DLC1: variants seen among roughly 807,000 people sequenced by gnomAD.
DLC1 encodes DLC1 Rho GTPase activating protein.
DLC1 carries 54 observed loss-of-function variants against 140.3 expected under a neutral mutation model. That is an observed-to-expected ratio of 0.38 (90% confidence interval 0.31 to 0.48). The LOEUF (loss-of-function observed/expected upper bound fraction) is 0.48, where lower values mean the gene tolerates loss of function less well. Ranked by LOEUF, DLC1 falls within the 20% of genes least tolerant of loss-of-function variation. The pLI is 0.96. For synonymous variants in DLC1, 986 were observed against 728.1 expected (o/e 1.35, Z -5.70); for missense variants, 2,536 against 1,907.0 (o/e 1.33, Z -6.14).
At position 13,500,177 on chromosome 8, in the gene DLC1, G is replaced by T; in HGVS notation, c.-106C>A. 9.5e-7 allele frequency: 1 copy of T among 1,051,182 alleles called. No homozygotes were observed. The highest frequency in any genetic ancestry group is 1.4e-6 in the Non-Finnish European group (1 of 731,222). 65.1% of individuals were successfully genotyped at this position (1,051,182 alleles called of 1,614,324 possible). ...AAAATCACCAATCAAAGAAGCGAAT[G>T]AGTTCTGTCATTTCACCACCTATTA... is the stretch of plus-strand genomic sequence containing the variant. On this transcript the variant is annotated 5_prime_UTR_variant, in exon 2 of 18. Transcript: ENST00000276297.
intron 4 of DLC1, among the ~76,000 whole-genome samples, chr8:13,311,704 C>G (rs1255325931): frequency 6.6e-6 from 1 of 152,092 alleles, no homozygotes; most frequent in African/African-American, 2.4e-5. Context: ...TTTGGGGTCT[C>G]AGCTTAAATT....
chr8:13,155,487 TA>T lies in DLC1; in HGVS notation c.1349-39831del, dbSNP rs917580970. Among the ~76,000 whole-genome samples the T allele has an allele frequency of 4.6e-5, 7 of 152,198 alleles. No individual in the cohort carries two copies. In the South Asian group the frequency reaches 6.2e-4, roughly 14 times the overall value. Reference sequence around the variant, plus strand: ...AAACAATAATTTAAATCTATTTTTTTAAAAAAACATGTTCACCAAAGTAGGT... The same window carrying T: ...AAACAATAATTTAAATCTATTTTTTTAAAAAACATGTTCACCAAAGTAGGT... On this transcript the variant is annotated intron_variant, in intron 5 of 17. Coordinates refer to ENST00000276297, the MANE Select transcript of DLC1 (RefSeq NM_182643.3).
chr8:13,573,363 A>T (rs756948614), intron 1 of DLC1, among the ~76,000 whole-genome samples: 1 of 152,176 alleles, frequency 6.6e-6, no homozygotes, highest in South Asian at 2.1e-4. Flanking sequence ...ATGAAAAGAG[A>T]CAGATTCTTT....
chr8:13,522,950 C>T (rs2117288459), intron 1 of DLC1, among the ~76,000 whole-genome samples: 1 of 151,896 alleles, frequency 6.6e-6, no homozygotes, highest in South Asian at 2.1e-4. Flanking sequence ...CTGGCAGTTT[C>T]CAGAAATAGC....
upstream of DLC1, among the ~76,000 whole-genome samples, chr8:13,516,052 A>G (rs1248504663): frequency 1.3e-5 from 2 of 152,186 alleles, no homozygotes; most frequent in African/African-American, 4.8e-5. Flanking sequence ...GGAAGCAGGA[A>G]ACAGCATCTC....
chr8:13,109,321 G>A (rs780903286), intron 7 of DLC1, among the ~76,000 whole-genome samples: 4 of 152,128 alleles, frequency 2.6e-5, no homozygotes, highest in Non-Finnish European at 4.4e-5. Context: ...ACTTTGGGAG[G>A]CCGAGATGGA....
At chr8:13,319,307 C>T (rs1005580729) in intron 4 of DLC1, among the ~76,000 whole-genome samples, 2 of 152,158 alleles carry the variant, frequency 1.3e-5, no homozygotes. Context: ...CGTTCCCTGC[C>T]CCGCCCTCCA....
At chr8:13,562,218 A>T (rs1804268613) in intron 1 of DLC1, among the ~76,000 whole-genome samples, 1 of 152,186 alleles carries the variant, frequency 6.6e-6, no homozygotes, top group Non-Finnish European at 1.5e-5. Flanking sequence ...AGTAGGAAAA[A>T]GATTGATACA....
intron 5 of DLC1, among the ~76,000 whole-genome samples, chr8:13,138,610 G>A (rs527430881): frequency 3.3e-5 from 5 of 152,296 alleles, no homozygotes; most frequent in Admixed American, 6.5e-5. Flanking sequence ...AAGGACATAC[G>A]ACAAAGAATA....
At chr8:13,443,709 G>C (rs943579198) in intron 2 of DLC1, among the ~76,000 whole-genome samples, 3 of 151,622 alleles carry the variant, frequency 2.0e-5, no homozygotes, top group Non-Finnish European at 4.4e-5. Context: ...AAATAATTAG[G>C]GAAGCATTAT....
chr8:13,218,999 AATATAATTATATAATTATATACGT>A (rs1563173975), intron 5 of DLC1, among the ~76,000 whole-genome samples: 1 of 88,624 alleles, frequency 1.1e-5, no homozygotes, highest in Admixed American at 1.2e-4. Context: ...ATTATATACG[AATATAATTATATAATTATATACGT>A]ATATAATTAT....
At chr8:13,130,844 A>C (rs533006761) in intron 5 of DLC1, among the ~76,000 whole-genome samples, 25 of 152,342 alleles carry the variant, frequency 1.6e-4, no homozygotes, top group African/African-American at 6.0e-4. Flanking sequence ...AAATAAAATA[A>C]GTATTTGTCA....
intron 5 of DLC1, among the ~76,000 whole-genome samples, chr8:13,217,002 G>A (rs1340654251): frequency 6.6e-6 from 1 of 152,014 alleles, no homozygotes; most frequent in Non-Finnish European, 1.5e-5. Flanking sequence ...GGTGTTCTGT[G>A]CACAATAAAG....
At chr8:13,089,528 G>C (rs965288091) in intron 15 of DLC1, among the ~76,000 whole-genome samples, 3 of 151,956 alleles carry the variant, frequency 2.0e-5, no homozygotes, top group African/African-American at 7.3e-5. Context: ...GGGAGGCTGA[G>C]GCAAGAGAAT....
chr8:13,085,421 C>A lies in DLC1; in HGVS notation c.*390G>T, dbSNP rs1019367728. ...AACACATCCAAGAGTACCAACTATTCCAGTGGATACACCAGTCCCTCAACA... is the reference window on the plus strand; with the variant it reads ...AACACATCCAAGAGTACCAACTATTACAGTGGATACACCAGTCCCTCAACA... On this transcript the variant is annotated 3_prime_UTR_variant, in exon 18 of 18. Coordinates refer to ENST00000276297, the MANE Select transcript of DLC1 (RefSeq NM_182643.3). 8.8e-5 allele frequency: 14 copies of A among 159,364 alleles called. No individual in the cohort carries two copies. Among genetic ancestry groups the A allele is most frequent in the African/African-American group, 3.4e-4 (14 of 41,596 alleles). The allele number at this position is 159,364 out of a possible 1,614,324, so 9.9% of individuals were successfully genotyped here.
At chr8:13,188,672 T>C (rs2117012406) in intron 5 of DLC1, among the ~76,000 whole-genome samples, 1 of 144,954 alleles carries the variant, frequency 6.9e-6, no homozygotes, top group South Asian at 2.2e-4. Flanking sequence ...TGGTGTGATC[T>C]TGGCTCACTG....
intron 5 of DLC1, among the ~76,000 whole-genome samples, chr8:13,251,060 G>C (rs1481326838): frequency 6.6e-6 from 1 of 152,152 alleles, no homozygotes; most frequent in Non-Finnish European, 1.5e-5. Context: ...TTGGTATCTG[G>C]TGAGGCCTCT....
At chr8:13,253,409 C>T (rs1308756033) in intron 5 of DLC1, among the ~76,000 whole-genome samples, 1 of 151,120 alleles carries the variant, frequency 6.6e-6, no homozygotes, top group African/African-American at 2.4e-5. Context: ...AGTGGTGGTT[C>T]TCCTCTAGAA....
intron 2 of DLC1, among the ~76,000 whole-genome samples, chr8:13,424,028 A>G (rs955089369): frequency 2.0e-5 from 3 of 152,226 alleles, no homozygotes; most frequent in Non-Finnish European, 4.4e-5. Context: ...TAAATTAAAC[A>G]ATCCTAAGAA....
Sources: gnomAD v4.1 joint callset for allele counts (sites outside exome capture counted in the v4.1 genomes callset) on GRCh38, gnomAD v4.1.1 for gene constraint, MANE v1.5 for transcripts, NCBI Gene and HGNC (gene_info 2026-07-23, HGNC 2026-07-21) for gene names.